DPY19L1: variants seen among roughly 807,000 people sequenced by gnomAD.
The protein encoded by DPY19L1 is dpy-19 like C-mannosyltransferase 1, also known as protein C-mannosyl-transferase DPY19L1.
Under a neutral mutation model 96.9 loss-of-function variants are expected in DPY19L1, and 35 were observed. The observed-to-expected ratio is 0.36, with a 90% CI of 0.28 to 0.48. DPY19L1 has a LOEUF of 0.48. Among genes scored for constraint, DPY19L1 ranks in the 20% least tolerant of loss-of-function variants. The probability of loss-of-function intolerance (pLI) is 0.99; values close to 1 mark genes in which losing one functional copy is unlikely to be tolerated. For synonymous variants in DPY19L1, 205 were observed against 252.6 expected (o/e 0.81, Z 1.79); for missense variants, 521 against 777.9 (o/e 0.67, Z 3.93).
intron 20 of DPY19L1, 118 bp downstream of exon 20, chr7:34,939,158 G>A (rs1206726349): frequency 9.4e-6 from 8 of 849,038 alleles, no homozygotes; most frequent in South Asian, 2.1e-5. Context: ...TCCCTGACTC[G>A]ATAAGCCTCA....
chr7:35,003,141 A>G lies in DPY19L1; in HGVS notation c.764+7327T>C, dbSNP rs137955611. ...CAGTGAACCAAATACGAAAGCAAAT[A>G]AACACATTTTGCAAAGTTTCATAAA... On this transcript the variant is annotated intron_variant, in intron 6 of 21. Coordinates refer to ENST00000638088, the MANE Select transcript of DPY19L1 (RefSeq NM_001366673.1). 5.4e-3 allele frequency among the ~76,000 whole-genome samples: 820 copies of G among 152,300 alleles called. 1 individual carries two copies. The highest frequency in any genetic ancestry group is 7.8e-3 in the Non-Finnish European group (533 of 68,030).
At chr7:34,988,592 C>A (rs1365753181) in intron 7 of DPY19L1, among the ~76,000 whole-genome samples, 5 of 152,080 alleles carry the variant, frequency 3.3e-5, no homozygotes, top group African/African-American at 1.2e-4. Context: ...CCAGCATTGA[C>A]TCTGCATTAT....
At chr7:34,992,787 T>C (rs1785201317) in intron 6 of DPY19L1, among the ~76,000 whole-genome samples, 1 of 152,060 alleles carries the variant, frequency 6.6e-6, no homozygotes, top group South Asian at 2.1e-4. Context: ...AACCCATCAT[T>C]ATTATACTCT....
Position 35,009,196 on chromosome 7 carries a change from A to G in DPY19L1, c.764+1272T>C, listed in dbSNP as rs1432291924. ...CTGCTAGATACTCAAACGGTGGGCT[A>G]GAAACTCAACACATCTTTGAGGTAC... On this transcript the variant is annotated intron_variant, in intron 6 of 21. Transcript: ENST00000638088. 2.0e-5 allele frequency among the ~76,000 whole-genome samples: 3 copies of G among 152,248 alleles called. 1 individual carries two copies. Among genetic ancestry groups the G allele is most frequent in the Non-Finnish European group, 4.4e-5 (3 of 68,048 alleles).
rs183731467 is a variant in DPY19L1, at chr7:34,936,478, C to T, written c.2090+1516G>A. Among the ~76,000 whole-genome samples the T allele has an allele frequency of 2.2e-3, 341 of 152,182 alleles. 2 individuals are homozygous for T. Among genetic ancestry groups the T allele is most frequent in the Middle Eastern group, 6.8e-3 (2 of 294 alleles). On this transcript the variant is annotated intron_variant, in intron 21 of 21. Coordinates refer to ENST00000638088, the MANE Select transcript of DPY19L1 (RefSeq NM_001366673.1). ...TACAGTTGTTTCAAGAGAGTGAAGC[C>T]CAAAGAAATAAAGAAGATCCCCATT...
chr7:34,956,584 G>C (rs1784384601), intron 11 of DPY19L1, among the ~76,000 whole-genome samples: 1 of 150,798 alleles, frequency 6.6e-6, no homozygotes, highest in African/African-American at 2.4e-5. Context: ...TCAGCTCACT[G>C]CAAGCTCCGC....
intron 14 of DPY19L1, among the ~76,000 whole-genome samples, chr7:34,948,667 A>G (rs966960703): frequency 1.3e-5 from 2 of 152,226 alleles, no homozygotes; most frequent in African/African-American, 4.8e-5. Flanking sequence ...ATAACATTAA[A>G]CAACTTCACC....
At chr7:35,011,262 T>C (rs1785704005) in intron 5 of DPY19L1, 68 bp downstream of exon 5, 1 of 1,549,672 alleles carries the variant, frequency 6.5e-7, no homozygotes, top group Non-Finnish European at 8.8e-7. Flanking sequence ...ACAGTGTAAG[T>C]TTATTATGCT....
intron 16 of DPY19L1, among the ~76,000 whole-genome samples, chr7:34,943,505 T>C (rs183078516): frequency 5.7e-4 from 87 of 152,312 alleles, no homozygotes; most frequent in African/African-American, 2.1e-3. Context: ...GCTGTCTCTA[T>C]CCCACTTTAC....
chr7:35,029,274 T>C (rs753332258), intron 1 of DPY19L1, among the ~76,000 whole-genome samples: 40 of 152,234 alleles, frequency 2.6e-4, no homozygotes, highest in Non-Finnish European at 4.7e-4. Flanking sequence ...AAAAGTGCAT[T>C]TTATTGTTTT....
intron 13 of DPY19L1, among the ~76,000 whole-genome samples, chr7:34,954,030 G>T (rs1175077178): frequency 2.6e-5 from 4 of 151,938 alleles, no homozygotes; most frequent in Admixed American, 2.0e-4. Context: ...ATACACTATA[G>T]GAAAAAAATA....
chr7:34,972,746 AGAG>A (rs1484310226), intron 8 of DPY19L1, among the ~76,000 whole-genome samples: 1 of 152,180 alleles, frequency 6.6e-6, no homozygotes, highest in Non-Finnish European at 1.5e-5. Context: ...ACCCTATAAA[AGAG>A]GAGTTTAGGG....
chr7:35,012,173 T>TC (rs1785727850), intron 4 of DPY19L1, among the ~76,000 whole-genome samples: 1 of 152,234 alleles, frequency 6.6e-6, no homozygotes, highest in Non-Finnish European at 1.5e-5. Flanking sequence ...GATGACCGAC[T>TC]AGTCAATAGG....
chr7:34,934,572 C>T (rs999927245), intron 21 of DPY19L1, among the ~76,000 whole-genome samples: 9 of 152,174 alleles, frequency 5.9e-5, no homozygotes, highest in East Asian at 1.9e-4. Context: ...CAGCGGTCCC[C>T]GGTCTTTTTG....
intron 2 of DPY19L1, among the ~76,000 whole-genome samples, chr7:35,018,280 C>T (rs1308214266): frequency 6.6e-6 from 1 of 152,138 alleles, no homozygotes; most frequent in East Asian, 1.9e-4. Context: ...TAATGAAATT[C>T]ATATTTCTAT....
intron 16 of DPY19L1, among the ~76,000 whole-genome samples, chr7:34,944,915 T>C (rs951337313): frequency 1.1e-4 from 16 of 152,226 alleles, no homozygotes; most frequent in Admixed American, 6.5e-4. Context: ...CTATTAATTT[T>C]TAGAAATATA....
At chr7:35,009,795 G>C (rs1412961742) in intron 6 of DPY19L1, among the ~76,000 whole-genome samples, 1 of 152,048 alleles carries the variant, frequency 6.6e-6, no homozygotes, top group East Asian at 1.9e-4. Flanking sequence ...ACTACAGTAA[G>C]AAGTAAGACT....
intron 1 of DPY19L1, among the ~76,000 whole-genome samples, chr7:35,023,230 C>T (rs1267945585): frequency 6.6e-6 from 1 of 152,210 alleles, no homozygotes; most frequent in Non-Finnish European, 1.5e-5. Context: ...CCAGTTACCC[C>T]AAGCCAGGGC....
intron 1 of DPY19L1, among the ~76,000 whole-genome samples, chr7:35,035,491 TGAA>T (rs1327836343): frequency 1.3e-5 from 2 of 152,260 alleles, no homozygotes; most frequent in Non-Finnish European, 2.9e-5. Flanking sequence ...GTAACATCCC[TGAA>T]GAAGCAATGC....
Sources: allele counts gnomAD v4.1 joint callset (sites outside exome capture counted in the v4.1 genomes callset), GRCh38; gene constraint gnomAD v4.1.1; transcripts MANE v1.5; gene names NCBI Gene and HGNC (gene_info 2026-07-23, HGNC 2026-07-21).